The following MLLT3 variants were observed in gnomAD, a reference collection of about 807,000 sequenced individuals.
MLLT3 encodes MLLT3 super elongation complex subunit, also known as protein AF-9.
MLLT3 carries 4 observed loss-of-function variants against 53.2 expected under a neutral mutation model. That is an observed-to-expected ratio of 0.08 (90% CI 0.04 to 0.17). The LOEUF (loss-of-function observed/expected upper bound fraction) is 0.17, where lower values mean the gene tolerates loss of function less well. MLLT3 is among the 10% of genes least tolerant of loss of function. The pLI is 1.00. For missense variants in MLLT3, 569 were observed against 684.0 expected, an observed-to-expected ratio of 0.83 and a Z score of 1.87; for synonymous variants, 283 against 230.6, an observed-to-expected ratio of 1.23 and a Z score of -2.06.
In MLLT3 at chr9:20,445,797, T is replaced by C. The variant is rs116677233; in HGVS notation, c.420+2326A>G. 5.3e-3 allele frequency among the ~76,000 whole-genome samples: 809 copies of C among 152,266 alleles called. 8 individuals are homozygous for C. Among genetic ancestry groups the C allele is most frequent in the African/African-American group, 0.017 (722 of 41,552 alleles). ...GAATATATACATCTATGTCAACACA[T>C]AATTTTTAAGTATGAGGAGGAAAGT... is the stretch of plus-strand genomic sequence containing the variant. On this transcript the variant is annotated intron_variant, in intron 4 of 10. Coordinates refer to ENST00000380338, the MANE Select transcript of MLLT3 (RefSeq NM_004529.4).
intron 5 of MLLT3, among the ~76,000 whole-genome samples, chr9:20,388,007 A>G (rs1822084381): frequency 6.6e-6 from 1 of 152,160 alleles, no homozygotes; most frequent in African/African-American, 2.4e-5. Flanking sequence ...ACCTAATCAA[A>G]TGAAACAATC....
At chr9:20,546,827 G>A (rs895135256) in intron 2 of MLLT3, among the ~76,000 whole-genome samples, 6 of 152,240 alleles carry the variant, frequency 3.9e-5, no homozygotes, top group African/African-American at 9.6e-5. Context: ...CGGGTTGAAC[G>A]AAGGTTGCCA....
At chr9:20,358,129 T>A (rs1821218956) in intron 8 of MLLT3, among the ~76,000 whole-genome samples, 1 of 152,072 alleles carries the variant, frequency 6.6e-6, no homozygotes, top group African/African-American at 2.4e-5. Flanking sequence ...TACTAGTAAT[T>A]TTTTTTAAGT....
At chr9:20,604,361 G>C (rs1327020652) in intron 2 of MLLT3, among the ~76,000 whole-genome samples, 2 of 151,960 alleles carry the variant, frequency 1.3e-5, no homozygotes, top group Admixed American at 6.6e-5. Flanking sequence ...AGGATTATAA[G>C]TCAAACTCAA....
chr9:20,424,811 C>A (rs776174945), intron 4 of MLLT3, among the ~76,000 whole-genome samples: 4 of 152,104 alleles, frequency 2.6e-5, no homozygotes, highest in African/African-American at 4.8e-5. Context: ...AAATGAGGAC[C>A]ATAATATTAC....
chr9:20,432,215 C>T (rs755918998), intron 4 of MLLT3, among the ~76,000 whole-genome samples: 7 of 151,954 alleles, frequency 4.6e-5, no homozygotes, highest in Admixed American at 6.6e-5. Context: ...GAGTCCTGTG[C>T]GGTAAGTACT....
In MLLT3 at chr9:20,414,016, T is replaced by A; in HGVS notation, c.830A>T (p.Asp277Val). The change falls in exon 5 of 11, where the codon GAT becomes GTT. Residue 277 changes from aspartate (D) to valine (V), a missense_variant. Physicochemically the swap from Asp to Val is radical, Grantham distance 152. Transcript: ENST00000380338. ...CGGCCTTTTACTAGGAGCCTTCTTA[T>A]CTTGTCCACTGGTGATGGTGAGTAA... ...SNLLTITSGQDKKAPSKRPPI... is the reference protein window; with the variant it reads ...SNLLTITSGQVKKAPSKRPPI... The A allele has an allele frequency of 6.2e-7, 1 of 1,614,202 alleles. No individual in the cohort carries two copies. Among genetic ancestry groups the A allele is most frequent in the Non-Finnish European group, 8.5e-7 (1 of 1,180,038 alleles).
At chr9:20,388,509 A>T (rs1396054634) in intron 5 of MLLT3, among the ~76,000 whole-genome samples, 1 of 152,132 alleles carries the variant, frequency 6.6e-6, no homozygotes, top group Non-Finnish European at 1.5e-5. Flanking sequence ...AATGGAGTGA[A>T]CCTGGGAGAC....
intron 2 of MLLT3, among the ~76,000 whole-genome samples, chr9:20,568,141 G>A (rs929990217): frequency 2.6e-5 from 4 of 152,060 alleles, no homozygotes; most frequent in African/African-American, 9.7e-5. Context: ...AAAAGCATCC[G>A]CCACTGAGAT....
At chr9:20,463,414 C>A (rs1488970705) in intron 2 of MLLT3, among the ~76,000 whole-genome samples, 1 of 151,898 alleles carries the variant, frequency 6.6e-6, no homozygotes, top group Non-Finnish European at 1.5e-5. Context: ...AATATAACAG[C>A]TATGTTAAAA....
At chr9:20,497,250 T>C (rs1265896559) in intron 2 of MLLT3, among the ~76,000 whole-genome samples, 3 of 152,228 alleles carry the variant, frequency 2.0e-5, no homozygotes, top group African/African-American at 7.2e-5. Context: ...CATTTTTTTC[T>C]ATAACTTTTC....
chr9:20,352,476 G>A, intron 10 of MLLT3, among the ~76,000 whole-genome samples: 1 of 152,122 alleles, frequency 6.6e-6, no homozygotes, highest in Non-Finnish European at 1.5e-5. Context: ...CTCATGGTAG[G>A]CCACTTAAGT....
intron 2 of MLLT3, among the ~76,000 whole-genome samples, chr9:20,547,093 A>G (rs534650741): frequency 2.0e-5 from 3 of 152,360 alleles, no homozygotes; most frequent in African/African-American, 7.2e-5. Flanking sequence ...GTTTGGCACA[A>G]CAGATACTGG....
At chr9:20,586,076 G>A (rs937588593) in intron 2 of MLLT3, among the ~76,000 whole-genome samples, 17 of 152,192 alleles carry the variant, frequency 1.1e-4, no homozygotes, top group African/African-American at 3.6e-4. Flanking sequence ...CTAGCACTTC[G>A]GGAAGCCAAG....
intron 10 of MLLT3, among the ~76,000 whole-genome samples, chr9:20,348,100 G>T (rs1035668591): frequency 6.6e-6 from 1 of 152,130 alleles, no homozygotes; most frequent in Non-Finnish European, 1.5e-5. Flanking sequence ...AGCTGTTATT[G>T]TCTTACCCAA....
At chr9:20,397,830 T>A (rs1032065301) in intron 5 of MLLT3, among the ~76,000 whole-genome samples, 2 of 152,134 alleles carry the variant, frequency 1.3e-5, no homozygotes, top group Non-Finnish European at 2.9e-5. Context: ...CTCATAGATG[T>A]AATGGCTCTT....
intron 4 of MLLT3, among the ~76,000 whole-genome samples, chr9:20,443,423 G>T (rs1223396632): frequency 1.3e-5 from 2 of 152,062 alleles, no homozygotes; most frequent in Non-Finnish European, 2.9e-5. Flanking sequence ...TAAGAACAAT[G>T]TTAAGAATCC....
At chr9:20,587,923 ATGTCCTGAATGGTAATGCCTAGGTTTTCT>A (rs1820018567) in intron 2 of MLLT3, among the ~76,000 whole-genome samples, 1 of 151,982 alleles carries the variant, frequency 6.6e-6, no homozygotes, top group Non-Finnish European at 1.5e-5. Flanking sequence ...GCCCATGCCT[ATGTCCTGAATGGTAATGCCTAGGTTTTCT>A]TCTAGGGTTT....
At chr9:20,454,256 C>T (rs529190649) in intron 3 of MLLT3, among the ~76,000 whole-genome samples, 34 of 150,672 alleles carry the variant, frequency 2.3e-4, no homozygotes, top group Non-Finnish European at 3.8e-4. Flanking sequence ...TGTGTGTGTG[C>T]ACACGCATGC....
Sources: allele counts gnomAD v4.1 joint callset (sites outside exome capture counted in the v4.1 genomes callset), GRCh38; gene constraint gnomAD v4.1.1; transcripts MANE v1.5; gene names NCBI Gene and HGNC (gene_info 2026-07-23, HGNC 2026-07-21).